Variants in DCC observed in about 807,000 individuals in gnomAD.
DCC encodes the protein netrin receptor DCC.
A neutral mutation model predicts 172.5 loss-of-function variants in DCC; 58 were observed. The observed-to-expected ratio is 0.34, with a 90% CI of 0.27 to 0.42. The LOEUF (loss-of-function observed/expected upper bound fraction) is 0.42. Ranked by LOEUF, DCC falls within the 10% of genes least tolerant of loss-of-function variation. The pLI, the probability that DCC is intolerant of heterozygous loss-of-function variation, is 1.00. For synonymous variants in DCC, 709 were observed against 644.5 expected (o/e 1.10, Z -1.52); for missense variants, 1,740 against 1,791.0 (o/e 0.97, Z 0.51).
At chr18:52,492,454 G>A (rs2030550990) in intron 1 of DCC, among the ~76,000 whole-genome samples, 1 of 151,926 alleles carries the variant, frequency 6.6e-6, no homozygotes, top group East Asian at 1.9e-4. Flanking sequence ...GGAGTGAGTG[G>A]CCTTAAATAG....
chr18:52,342,880 T>C (rs1321620019), intron 1 of DCC, among the ~76,000 whole-genome samples: 3 of 152,278 alleles, frequency 2.0e-5, no homozygotes, highest in African/African-American at 7.2e-5. Context: ...ATATTCTCTT[T>C]GCATTTATTT....
intron 1 of DCC, among the ~76,000 whole-genome samples, chr18:52,740,326 A>C (rs954198429): frequency 2.6e-5 from 4 of 152,190 alleles, no homozygotes; most frequent in African/African-American, 9.6e-5. Context: ...TGTTTCTGTT[A>C]TCACTGTGGG....
chr18:52,794,781 T>C (rs2033595924), intron 2 of DCC, among the ~76,000 whole-genome samples: 1 of 152,070 alleles, frequency 6.6e-6, no homozygotes, highest in African/African-American at 2.4e-5. Flanking sequence ...GTTTGTCATA[T>C]ATATGGTCTT....
chr18:53,353,332 A>T (rs537530414), intron 15 of DCC, among the ~76,000 whole-genome samples: 21 of 152,142 alleles, frequency 1.4e-4, no homozygotes, highest in East Asian at 1.2e-3. Context: ...TATTTTTTTA[A>T]AAAAACTATA....
intron 2 of DCC, among the ~76,000 whole-genome samples, chr18:52,777,591 G>A (rs1036926635): frequency 6.6e-6 from 1 of 152,116 alleles, no homozygotes; most frequent in African/African-American, 2.4e-5. Flanking sequence ...CTGGGGAGTA[G>A]GATGTAAATG....
chr18:52,427,895 G>T (rs1319117537), intron 1 of DCC, among the ~76,000 whole-genome samples: 1 of 95,848 alleles, frequency 1.0e-5, no homozygotes, highest in African/African-American at 5.4e-5. Context: ...TTCCTTCCTT[G>T]GCACATCTTT....
intron 1 of DCC, among the ~76,000 whole-genome samples, chr18:52,699,859 A>G (rs1333661780): frequency 6.6e-6 from 1 of 152,180 alleles, no homozygotes; most frequent in East Asian, 1.9e-4. Context: ...ATTAAAATAT[A>G]ATTCACTTAC....
chr18:53,151,249 C>T (rs545452928), intron 7 of DCC, among the ~76,000 whole-genome samples: 105 of 152,240 alleles, frequency 6.9e-4, no homozygotes, highest in African/African-American at 2.4e-3. Flanking sequence ...GAATAGAAAT[C>T]ATTTAGTGAG....
At chr18:52,830,503 G>A (rs1161664943) in intron 2 of DCC, among the ~76,000 whole-genome samples, 4 of 152,140 alleles carry the variant, frequency 2.6e-5, no homozygotes, top group Non-Finnish European at 5.9e-5. Context: ...TAGTCTATGT[G>A]CAAGGGCAGA....
At chr18:52,991,655 C>T (rs983563504) in intron 5 of DCC, among the ~76,000 whole-genome samples, 1 of 152,296 alleles carries the variant, frequency 6.6e-6, no homozygotes. Flanking sequence ...TTTACCCTCT[C>T]GATTGGTACT....
At chr18:53,226,950 T>A (rs201288407) in intron 12 of DCC, among the ~76,000 whole-genome samples, 477 of 6,822 alleles carry the variant, frequency 0.07, 13 homozygotes, top group African/African-American at 0.14. Flanking sequence ...ATATATATAT[T>A]TTTTTTTTTT....
At chr18:53,147,084 G>A (rs1208380331) in intron 7 of DCC, among the ~76,000 whole-genome samples, 1 of 152,132 alleles carries the variant, frequency 6.6e-6, no homozygotes, top group Admixed American at 6.5e-5. Flanking sequence ...CATCTCTGGT[G>A]ATTATTGTTT....
chr18:52,422,257 G>C (rs972874011), intron 1 of DCC, among the ~76,000 whole-genome samples: 2 of 152,158 alleles, frequency 1.3e-5, no homozygotes, highest in African/African-American at 4.8e-5. Context: ...GCAAATCTTA[G>C]AGAACAATTC....
At chr18:53,202,518 T>A (rs181848962) in intron 9 of DCC, among the ~76,000 whole-genome samples, 3 of 152,308 alleles carry the variant, frequency 2.0e-5, no homozygotes, top group African/African-American at 7.2e-5. Context: ...AAATCATTAT[T>A]TTGTAACCAC....
chr18:52,909,605 T>A (rs985134184), intron 3 of DCC, among the ~76,000 whole-genome samples: 1 of 152,194 alleles, frequency 6.6e-6, no homozygotes, highest in Non-Finnish European at 1.5e-5. Context: ...ATATCAGGTG[T>A]CTTCTATCAC....
chr18:52,408,598 A>G (rs1986737081), intron 1 of DCC, among the ~76,000 whole-genome samples: 1 of 152,182 alleles, frequency 6.6e-6, no homozygotes, highest in African/African-American at 2.4e-5. Flanking sequence ...GCAAAAGTTG[A>G]CTGCACATTA....
At chr18:52,450,277 G>C (rs770817719) in intron 1 of DCC, among the ~76,000 whole-genome samples, 3 of 152,202 alleles carry the variant, frequency 2.0e-5, no homozygotes, top group Admixed American at 2.0e-4. Flanking sequence ...AGGCTGAAAA[G>C]TTGGTCAGGG....
At chr18:52,580,993 A>G (rs749951453) in intron 1 of DCC, among the ~76,000 whole-genome samples, 1 of 152,212 alleles carries the variant, frequency 6.6e-6, no homozygotes, top group African/African-American at 2.4e-5. Flanking sequence ...TGAAGCTGTT[A>G]TCAATTCAAC....
intron 5 of DCC, among the ~76,000 whole-genome samples, chr18:52,939,739 C>T (rs555252863): frequency 1.3e-5 from 2 of 152,182 alleles, no homozygotes; most frequent in East Asian, 3.9e-4. Flanking sequence ...TTTTCATCAT[C>T]ATCATCATCA....
Sources: allele counts gnomAD v4.1 joint callset (sites outside exome capture counted in the v4.1 genomes callset), GRCh38; gene constraint gnomAD v4.1.1; transcripts MANE v1.5; gene names NCBI Gene and HGNC (gene_info 2026-07-23, HGNC 2026-07-21).